CNTNAP2: variants seen among roughly 807,000 people sequenced by gnomAD.
CNTNAP2 encodes the protein contactin associated protein 2, also known as contactin-associated protein-like 2.
Under a neutral mutation model 155.2 loss-of-function variants are expected in CNTNAP2, and 98 were observed. That is an observed-to-expected ratio of 0.63 (90% CI 0.54 to 0.75). The LOEUF (loss-of-function observed/expected upper bound fraction) is 0.75. Ranked by LOEUF, CNTNAP2 falls within the 30% of genes least tolerant of loss-of-function variation. The probability of loss-of-function intolerance (pLI) is 0.00; values close to 1 mark genes in which losing one functional copy is unlikely to be tolerated. For synonymous variants in CNTNAP2, 651 were observed against 631.2 expected (o/e 1.03, Z -0.47); for missense variants, 1,727 against 1,688.1 (o/e 1.02, Z -0.40).
intron 1 of CNTNAP2, among the ~76,000 whole-genome samples, chr7:146,690,434 G>A (rs1800678205): frequency 6.6e-6 from 1 of 152,170 alleles, no homozygotes; most frequent in Admixed American, 6.6e-5. Context: ...CAAAATGCCT[G>A]TGGCTACAGT....
intron 20 of CNTNAP2, among the ~76,000 whole-genome samples, chr7:148,261,327 A>C (rs1167523162): frequency 6.6e-6 from 1 of 151,952 alleles, no homozygotes; most frequent in African/African-American, 2.4e-5. Context: ...TGCCCGGCTA[A>C]TTTTTGTCTT....
intron 10 of CNTNAP2, among the ~76,000 whole-genome samples, chr7:147,433,841 G>T (rs1038151554): frequency 6.6e-6 from 1 of 152,176 alleles, no homozygotes. Context: ...GATATGTCTT[G>T]TTGTATGACC....
chr7:147,118,710 G>A (rs1261386613), intron 5 of CNTNAP2, among the ~76,000 whole-genome samples: 1 of 151,992 alleles, frequency 6.6e-6, no homozygotes, highest in Non-Finnish European at 1.5e-5. Flanking sequence ...AATACTTTAG[G>A]CAACTGTGTA....
At chr7:148,328,976 G>GAAAA (rs71188969) in intron 21 of CNTNAP2, among the ~76,000 whole-genome samples, 16,324 of 68,738 alleles carry the variant, frequency 0.24, 2,394 homozygotes, top group Non-Finnish European at 0.3. Flanking sequence ...ACTCTGTCTG[G>GAAAA]AAAAAAAAAA....
chr7:148,212,207 G>C (rs888241121), intron 18 of CNTNAP2, among the ~76,000 whole-genome samples: 1 of 151,468 alleles, frequency 6.6e-6, no homozygotes, highest in Non-Finnish European at 1.5e-5. Flanking sequence ...ATATCTTTAT[G>C]TTATTATTCT....
At chr7:146,250,371 C>T (rs1799737156) in intron 1 of CNTNAP2, among the ~76,000 whole-genome samples, 1 of 152,162 alleles carries the variant, frequency 6.6e-6, no homozygotes. Context: ...TTTTGAGTTT[C>T]CCATTCACCA....
intron 1 of CNTNAP2, among the ~76,000 whole-genome samples, chr7:146,284,905 G>T (rs936274151): frequency 6.6e-6 from 1 of 152,124 alleles, no homozygotes; most frequent in Non-Finnish European, 1.5e-5. Context: ...CCTCCCACAG[G>T]CTATGACTAT....
At chr7:148,322,467 A>G (rs1433965852) in intron 21 of CNTNAP2, among the ~76,000 whole-genome samples, 1 of 152,230 alleles carries the variant, frequency 6.6e-6, no homozygotes, top group African/African-American at 2.4e-5. Context: ...AAACATGTAT[A>G]TGCTTATATC....
intron 1 of CNTNAP2, among the ~76,000 whole-genome samples, chr7:146,507,977 A>C (rs1471711267): frequency 6.6e-6 from 1 of 152,178 alleles, no homozygotes; most frequent in Non-Finnish European, 1.5e-5. Context: ...TACTGTCCCA[A>C]TTCCATCATC....
At chr7:146,861,324 A>T (rs997934263) in intron 3 of CNTNAP2, among the ~76,000 whole-genome samples, 1 of 152,142 alleles carries the variant, frequency 6.6e-6, no homozygotes, top group Non-Finnish European at 1.5e-5. Flanking sequence ...AAGTGCTGGG[A>T]CTATAGGCAT....
chr7:147,550,124 A>G (rs950401641), intron 11 of CNTNAP2, among the ~76,000 whole-genome samples: 12 of 152,202 alleles, frequency 7.9e-5, no homozygotes, highest in African/African-American at 2.9e-4. Context: ...GCCTTGGAAA[A>G]AATCACTCAA....
At chr7:147,102,447 T>C (rs868394635) in intron 4 of CNTNAP2, among the ~76,000 whole-genome samples, 30 of 152,264 alleles carry the variant, frequency 2.0e-4, no homozygotes, top group Admixed American at 9.8e-4. Context: ...TCCAAGTTAC[T>C]GGATTGGAAT....
rs897546328 is a variant in CNTNAP2, at chr7:147,357,108, C to T, written c.1499-38501C>T. 2.0e-5 allele frequency among the ~76,000 whole-genome samples: 3 copies of T among 152,078 alleles called. No homozygotes were observed. In the East Asian group the frequency reaches 5.8e-4, roughly 29 times the overall value. On this transcript the variant is annotated intron_variant, in intron 9 of 23. Coordinates refer to ENST00000361727, the MANE Select transcript of CNTNAP2 (RefSeq NM_014141.6). ...AAGTTATTTATGTGGATGACCTCAG[C>T]GAATCTTCTCAAACATTCTATGAGG...
At chr7:146,474,601 A>G (rs1796847731) in intron 1 of CNTNAP2, among the ~76,000 whole-genome samples, 1 of 152,066 alleles carries the variant, frequency 6.6e-6, no homozygotes, top group Non-Finnish European at 1.5e-5. Context: ...ATCATTATTG[A>G]TTTTAAATGA....
chr7:147,575,372 G>GTA (rs1491367059), intron 12 of CNTNAP2, among the ~76,000 whole-genome samples: 1,144 of 44,532 alleles, frequency 0.026, 41 homozygotes, highest in Non-Finnish European at 0.03. Context: ...AGCTTTAGGG[G>GTA]TGTGTGTGTG....
chr7:146,676,338 A>G (rs1215632372), intron 1 of CNTNAP2, among the ~76,000 whole-genome samples: 1 of 152,192 alleles, frequency 6.6e-6, no homozygotes, highest in Non-Finnish European at 1.5e-5. Context: ...CTGAGGTGAA[A>G]TTAATGGAGT....
intron 8 of CNTNAP2, among the ~76,000 whole-genome samples, chr7:147,258,412 T>C (rs1191828413): frequency 6.6e-6 from 1 of 152,158 alleles, no homozygotes; most frequent in Non-Finnish European, 1.5e-5. Flanking sequence ...AAATATATAT[T>C]AACTGGACTA....
At chr7:146,898,702 G>A (rs1449235597) in intron 3 of CNTNAP2, among the ~76,000 whole-genome samples, 1 of 151,936 alleles carries the variant, frequency 6.6e-6, no homozygotes. Context: ...CAGTGACAGA[G>A]TCCTCACAGT....
In CNTNAP2 at chr7:146,434,120, G is replaced by A. The variant is rs572709974; in HGVS notation, c.97+317147G>A. 3.9e-5 allele frequency among the ~76,000 whole-genome samples: 6 copies of A among 152,186 alleles called. No homozygotes were observed. The South Asian group carries it at 1.0e-3, about 26-fold the overall frequency. On this transcript the variant is annotated intron_variant, in intron 1 of 23. Transcript: ENST00000361727. ...CTGAATTTCACAAATGATACATGAG[G>A]ATTAGTGAATGGTGTTCACTGTAGC...
Sources: gnomAD v4.1 joint callset for allele counts (sites outside exome capture counted in the v4.1 genomes callset) on GRCh38, gnomAD v4.1.1 for gene constraint, MANE v1.5 for transcripts, NCBI Gene and HGNC (gene_info 2026-07-23, HGNC 2026-07-21) for gene names.